Variants in PDE10A observed in about 807,000 individuals in gnomAD.
PDE10A encodes phosphodiesterase 10A, also known as cAMP and cAMP-inhibited cGMP 3',5'-cyclic phosphodiesterase 10A.
In PDE10A, 39 loss-of-function variants were observed where a neutral mutation model predicts 97.7. That is an observed-to-expected ratio of 0.40 (90% confidence interval 0.31 to 0.52). PDE10A has a LOEUF of 0.52. Among genes scored for constraint, PDE10A ranks in the 20% least tolerant of loss-of-function variants. PDE10A has a pLI of 0.56. For synonymous variants in PDE10A, 371 were observed against 376.8 expected (o/e 0.98, Z 0.18); for missense variants, 731 against 1,047.8 (o/e 0.70, Z 4.17).
At chr6:165,727,438 C>A (rs548797419) in intron 1 of PDE10A, among the ~76,000 whole-genome samples, 65 of 152,306 alleles carry the variant, frequency 4.3e-4, no homozygotes, top group African/African-American at 1.5e-3. Context: ...TGGGGCTTTT[C>A]AAAAGACAAG....
chr6:165,375,717 G>C (rs1375817743), intron 18 of PDE10A, among the ~76,000 whole-genome samples: 1 of 152,326 alleles, frequency 6.6e-6, no homozygotes, highest in East Asian at 1.9e-4. Context: ...AGGATGAGCT[G>C]ACTCCTGTCA....
intron 1 of PDE10A, among the ~76,000 whole-genome samples, chr6:165,885,362 G>A (rs12213143): frequency 2.6e-3 from 395 of 152,270 alleles, no homozygotes; most frequent in Non-Finnish European, 4.8e-3. Context: ...CAAAGGAGAA[G>A]CGCCACACTT....
intron 2 of PDE10A, among the ~76,000 whole-genome samples, chr6:165,498,465 A>AAAAC (rs1780677069): frequency 7.3e-6 from 1 of 136,680 alleles, no homozygotes; most frequent in Non-Finnish European, 1.6e-5. Context: ...AAAAAAAAAA[A>AAAAC]ATCAGTAACA....
At position 165,332,218 on chromosome 6, in the gene PDE10A, G is replaced by A. The variant is rs1175998559; in HGVS notation, c.*807C>T. The A allele has an allele frequency of 2.0e-5, 3 of 152,018 alleles. No individual in the cohort carries two copies. The highest frequency in any genetic ancestry group is 4.4e-5 in the Non-Finnish European group (3 of 67,990). 9.4% of individuals were successfully genotyped at this position (152,018 alleles called of 1,614,324 possible). A position where few individuals can be genotyped will look rare whatever the true frequency, so the allele number is the denominator to read the frequency against. The stretch of plus-strand genomic sequence containing the variant: ...GCCGAGCTTTTATTTTGTTCTTTAT[G>A]CAAAGGGTTCAGTAAAACTGCCAAG... On this transcript the variant is annotated 3_prime_UTR_variant, in exon 22 of 22. Coordinates refer to ENST00000539869, the MANE Select transcript of PDE10A (RefSeq NM_001385079.1).
intron 3 of PDE10A, among the ~76,000 whole-genome samples, chr6:165,467,843 G>C (rs570509725): frequency 3.9e-4 from 59 of 152,210 alleles, no homozygotes; most frequent in Admixed American, 1.9e-3. Context: ...CTTTCAAACA[G>C]CGTTGCATGC....
intron 1 of PDE10A, among the ~76,000 whole-genome samples, chr6:165,909,361 T>C (rs998862492): frequency 2.0e-5 from 3 of 152,166 alleles, no homozygotes; most frequent in African/African-American, 7.2e-5. Context: ...AGATAAGAAA[T>C]TGTACAAAGT....
intron 2 of PDE10A, among the ~76,000 whole-genome samples, chr6:165,495,535 AAAACACT>A (rs1780485657): frequency 7.4e-6 from 1 of 135,494 alleles, no homozygotes; most frequent in Admixed American, 7.2e-5. Context: ...GGTAAAACTA[AAAACACT>A]CGAGTATTTT....
At chr6:165,438,701 T>C (rs1373151523) in intron 5 of PDE10A, among the ~76,000 whole-genome samples, 1 of 152,216 alleles carries the variant, frequency 6.6e-6, no homozygotes, top group Non-Finnish European at 1.5e-5. Context: ...CTCATGCTTA[T>C]AATCCCAGGG....
chr6:165,693,554 C>G (rs1216494217), intron 1 of PDE10A, among the ~76,000 whole-genome samples: 1 of 97,426 alleles, frequency 1.0e-5, no homozygotes, highest in Non-Finnish European at 2.4e-5. Flanking sequence ...AAAAAAAAAC[C>G]GAGTGCACTG....
intron 1 of PDE10A, among the ~76,000 whole-genome samples, chr6:165,603,726 G>A (rs1377715313): frequency 6.6e-6 from 1 of 152,164 alleles, no homozygotes; most frequent in Admixed American, 6.5e-5. Flanking sequence ...GACCCCTAAT[G>A]GTATTGAAAA....
chr6:165,489,632 G>C (rs541150913), intron 2 of PDE10A, among the ~76,000 whole-genome samples: 1 of 152,104 alleles, frequency 6.6e-6, no homozygotes, highest in Admixed American at 6.5e-5. Flanking sequence ...AATTCAGGTC[G>C]ACTATTAAGC....
At chr6:165,844,535 A>G (rs533001565) in intron 1 of PDE10A, among the ~76,000 whole-genome samples, 1 of 152,342 alleles carries the variant, frequency 6.6e-6, no homozygotes, top group African/African-American at 2.4e-5. Flanking sequence ...ATTGAACCTG[A>G]GTTTGGAAAT....
intron 1 of PDE10A, among the ~76,000 whole-genome samples, chr6:165,901,634 C>A (rs576241503): frequency 6.6e-6 from 1 of 152,254 alleles, no homozygotes; most frequent in East Asian, 1.9e-4. Flanking sequence ...GAAACTCTGT[C>A]TCTACTAAAA....
chr6:165,545,170 G>T, intron 1 of PDE10A: 1 of 507,798 alleles, frequency 2.0e-6, no homozygotes, highest in Non-Finnish European at 3.9e-6. Context: ...CATGACACAA[G>T]GCTATAGAAT....
chr6:165,730,134 A>G (rs1273174691), intron 1 of PDE10A, among the ~76,000 whole-genome samples: 2 of 148,002 alleles, frequency 1.4e-5, no homozygotes, highest in East Asian at 4.0e-4. Flanking sequence ...ATATATGTAT[A>G]TGAATATATG....
At chr6:165,958,549 GAA>G (rs1302912047) in intron 1 of PDE10A, among the ~76,000 whole-genome samples, 19 of 42,626 alleles carry the variant, frequency 4.5e-4, no homozygotes, top group Non-Finnish European at 8.1e-4. Flanking sequence ...AAGAAAGAAA[GAA>G]AGAAAGAAAG....
intron 1 of PDE10A, among the ~76,000 whole-genome samples, chr6:165,722,986 G>A (rs890421656): frequency 6.6e-6 from 1 of 151,548 alleles, no homozygotes; most frequent in Non-Finnish European, 1.5e-5. Context: ...TTTTTGTTTG[G>A]ATTGAATATA....
In PDE10A at chr6:165,619,519, G is replaced by GTAGTGTAGTC. The variant is rs1562635147; in HGVS notation, c.865+42427_865+42428insGACTACACTA. Reference sequence around the variant, plus strand: ...GTAGTCTAGTGTAGTGTAGTCTAGTGTAGTGTAGTGTAGTCTAATGTAGTG... The same window carrying GTAGTGTAGTC: ...GTAGTCTAGTGTAGTGTAGTCTAGTGTAGTGTAGTCTAGTGTAGTGTAGTCTAATGTAGTG... On this transcript the variant is annotated intron_variant, in intron 1 of 21. Coordinates refer to ENST00000539869, the MANE Select transcript of PDE10A (RefSeq NM_001385079.1). Among the ~76,000 whole-genome samples, 52 of 77,660 alleles carry GTAGTGTAGTC rather than the reference G, an allele frequency of 6.7e-4. 17 individuals are homozygous for GTAGTGTAGTC. The highest frequency in any genetic ancestry group is 3.4e-3 in the African/African-American group (52 of 15,190). The allele number at this position is 77,660 out of a possible 152,430, so 50.9% of individuals were successfully genotyped here.
intron 2 of PDE10A, among the ~76,000 whole-genome samples, chr6:165,482,566 G>A (rs961820134): frequency 4.6e-5 from 7 of 152,106 alleles, no homozygotes; most frequent in Non-Finnish European, 5.9e-5. Context: ...TACCACCACC[G>A]CCTTACCTTT....
Sources: allele counts gnomAD v4.1 joint callset (sites outside exome capture counted in the v4.1 genomes callset), GRCh38; gene constraint gnomAD v4.1.1; transcripts MANE v1.5; gene names NCBI Gene and HGNC (gene_info 2026-07-23, HGNC 2026-07-21).